EPB41L3: variants seen among roughly 807,000 people sequenced by gnomAD.
The protein encoded by EPB41L3 is erythrocyte membrane protein band 4.1 like 3, also known as band 4.1-like protein 3.
In EPB41L3, 57 loss-of-function variants were observed where a neutral mutation model predicts 127.1. That is an observed-to-expected ratio of 0.45 (90% CI 0.36 to 0.56). The LOEUF (loss-of-function observed/expected upper bound fraction) is 0.56, where lower values mean the gene tolerates loss of function less well. Among genes scored for constraint, EPB41L3 ranks in the 20% least tolerant of loss-of-function variants. The probability of loss-of-function intolerance (pLI) is 0.00; values close to 1 mark genes in which losing one functional copy is unlikely to be tolerated. For missense variants in EPB41L3, 1,273 were observed against 1,372.2 expected (o/e 0.93, Z 1.14); for synonymous variants, 572 against 549.5 (o/e 1.04, Z -0.57).
chr18:5,413,695 T>C (rs1302412544), intron 13 of EPB41L3, among the ~76,000 whole-genome samples: 1 of 152,138 alleles, frequency 6.6e-6, no homozygotes, highest in African/African-American at 2.4e-5. Flanking sequence ...CTCTTAACAC[T>C]TCAAGAGACA....
chr18:5,579,392 AT>A (rs2094369033), intron 3 of EPB41L3, among the ~76,000 whole-genome samples: 1 of 152,350 alleles, frequency 6.6e-6, no homozygotes, highest in African/African-American at 2.4e-5. Context: ...CTTATTTAAG[AT>A]GTCTAATAGA....
intron 1 of EPB41L3, among the ~76,000 whole-genome samples, chr18:5,511,882 A>G (rs549526058): frequency 6.6e-6 from 1 of 152,244 alleles, no homozygotes; most frequent in Non-Finnish European, 1.5e-5. Flanking sequence ...GAGATTAAGA[A>G]TGCACAAAAA....
intron 3 of EPB41L3, among the ~76,000 whole-genome samples, chr18:5,475,471 C>T (rs73937140): frequency 0.056 from 8,560 of 152,276 alleles, 627 homozygotes; most frequent in African/African-American, 0.17. Context: ...ATCTGTGCAA[C>T]GCAGGAAACA....
intron 1 of EPB41L3, among the ~76,000 whole-genome samples, chr18:5,626,072 C>T (rs2094920526): frequency 6.6e-6 from 1 of 152,092 alleles, no homozygotes; most frequent in Non-Finnish European, 1.5e-5. Flanking sequence ...CTGCTTTCAA[C>T]TTGCTGCTCA....
chr18:5,594,673 T>C (rs552922212), intron 3 of EPB41L3, among the ~76,000 whole-genome samples: 8 of 152,224 alleles, frequency 5.3e-5, no homozygotes, highest in African/African-American at 1.9e-4. Context: ...ACCAGCTTTC[T>C]AAATTGTTTG....
Position 5,424,255 on chromosome 18 carries a change from T to G in EPB41L3, c.1163+7A>C. ...CTTAGGGAAAAAACAAAATAATCTC[T>G]TCCTACCTGAAAAATGTATGATGCT... On this transcript the variant is annotated splice_region_variant and intron_variant, in intron 10 of 22. Transcript: ENST00000341928. 6.4e-7 allele frequency: 1 copy of G among 1,568,384 alleles called. No homozygotes were observed. The highest frequency in any genetic ancestry group is 1.2e-5 in the South Asian group (1 of 81,996).
At chr18:5,603,349 T>C (rs987339030) in intron 3 of EPB41L3, among the ~76,000 whole-genome samples, 1 of 152,102 alleles carries the variant, frequency 6.6e-6, no homozygotes, top group East Asian at 1.9e-4. Flanking sequence ...TAGAGGACAA[T>C]GTCAGAAGGC....
intron 3 of EPB41L3, among the ~76,000 whole-genome samples, chr18:5,471,843 T>C (rs2086200299): frequency 1.3e-5 from 2 of 152,128 alleles, no homozygotes; most frequent in African/African-American, 2.4e-5. Flanking sequence ...ATTTGGGAAA[T>C]GAATCCTGTT....
At position 5,572,715 on chromosome 18, in the gene EPB41L3, A is replaced by C. The variant is rs2094296093; in HGVS notation, c.-306+39625T>G. On this transcript the variant is annotated intron_variant, in intron 3 of 21. Coordinates refer to the EPB41L3 transcript ENST00000545076. ...CAGTATCCCAAGTAGCTGGGAATAC[A>C]GGTGGACACCACCACACTCAGGTAA... is the stretch of plus-strand genomic sequence containing the variant. Among the ~76,000 whole-genome samples the C allele has an allele frequency of 3.3e-5, 5 of 152,200 alleles. No individual in the cohort carries two copies. In the South Asian group the frequency reaches 1.0e-3, roughly 31 times the overall value.
At chr18:5,471,324 G>A (rs907358006) in intron 3 of EPB41L3, among the ~76,000 whole-genome samples, 2 of 152,164 alleles carry the variant, frequency 1.3e-5, no homozygotes, top group East Asian at 1.9e-4. Context: ...CCATCTCACA[G>A]GGCTCTGTGG....
Position 5,397,625 on chromosome 18 carries a change from T to G in EPB41L3, c.2473-199A>C, listed in dbSNP as rs536402752. Among the ~76,000 whole-genome samples, 12 of 152,310 alleles carry G rather than the reference T, an allele frequency of 7.9e-5. No individual in the cohort carries two copies. Among genetic ancestry groups the G allele is most frequent in the Admixed American group, 6.5e-4 (10 of 15,306 alleles). On this transcript the variant is annotated intron_variant, in intron 17 of 22. Coordinates refer to ENST00000341928, the MANE Select transcript of EPB41L3 (RefSeq NM_012307.5). The surrounding 1 kb of genome is among the most constrained non-coding windows in gnomAD (Gnocchi z 4.1). Reference sequence around the variant, plus strand: ...CTGCCCCTGCCCCTGGTGCATGCACTTGAACCTGCGCTGCTGCTTCAGGAC... The same window carrying G: ...CTGCCCCTGCCCCTGGTGCATGCACGTGAACCTGCGCTGCTGCTTCAGGAC...
At chr18:5,506,904 AAAT>A (rs2092245718) in intron 1 of EPB41L3, among the ~76,000 whole-genome samples, 1 of 152,240 alleles carries the variant, frequency 6.6e-6, no homozygotes, top group African/African-American at 2.4e-5. Context: ...TTTCTGGGCA[AAAT>A]GACACTATGA....
At position 5,452,782 on chromosome 18, in the gene EPB41L3, TTGTGTGTGTG is replaced by T. The variant is rs72378439; in HGVS notation, c.382-7548_382-7539del. On this transcript the variant is annotated intron_variant, in intron 3 of 22. Transcript: ENST00000341928. ...AAAACCAGAAATGTTTAAAAATTTG[TTGTGTGTGTG>T]TGTGTGTGTGTGTTTTTAAAAAACG... 4.1e-4 allele frequency among the ~76,000 whole-genome samples: 62 copies of T among 150,882 alleles called. 1 individual carries two copies. Among genetic ancestry groups the T allele is most frequent in the African/African-American group, 1.4e-3 (59 of 41,162 alleles).
chr18:5,414,476 C>T (rs1439977981), intron 13 of EPB41L3, among the ~76,000 whole-genome samples: 1 of 152,190 alleles, frequency 6.6e-6, no homozygotes, highest in Non-Finnish European at 1.5e-5. Context: ...TAGATACTCG[C>T]ACACCCTCAA....
At chr18:5,441,666 G>C (rs7232599) in intron 5 of EPB41L3, among the ~76,000 whole-genome samples, 1 of 151,880 alleles carries the variant, frequency 6.6e-6, no homozygotes, top group South Asian at 2.1e-4. Context: ...GGGTTTCACC[G>C]TGTCAGCCAG....
intron 3 of EPB41L3, among the ~76,000 whole-genome samples, chr18:5,458,248 A>C (rs992160263): frequency 1.3e-5 from 2 of 152,148 alleles, no homozygotes; most frequent in Admixed American, 6.6e-5. Context: ...TATTCCCACA[A>C]ATGAAAAACC....
intron 1 of EPB41L3, among the ~76,000 whole-genome samples, chr18:5,534,032 G>T (rs758577827): frequency 6.6e-6 from 1 of 152,076 alleles, no homozygotes; most frequent in Non-Finnish European, 1.5e-5. Context: ...GCGTGGTGGC[G>T]GGCGCCTGTA....
chr18:5,589,924 T>C (rs1314503186), intron 3 of EPB41L3, among the ~76,000 whole-genome samples: 3 of 152,238 alleles, frequency 2.0e-5, no homozygotes, highest in Non-Finnish European at 2.9e-5. Context: ...TCCATCACTG[T>C]TCAGTGGAGT....
intron 3 of EPB41L3, among the ~76,000 whole-genome samples, chr18:5,608,731 G>C (rs573237866): frequency 1.3e-5 from 2 of 152,106 alleles, no homozygotes; most frequent in Non-Finnish European, 2.9e-5. Context: ...TTTCCTAAGA[G>C]GAGAGGGGAG....
Sources: gnomAD v4.1 joint callset for allele counts (sites outside exome capture counted in the v4.1 genomes callset) on GRCh38, gnomAD v4.1.1 for gene constraint, Gnocchi (gnomAD v3.1) non-coding constraint, MANE v1.5 for transcripts, NCBI Gene and HGNC (gene_info 2026-07-23, HGNC 2026-07-21) for gene names.